E2F7: variants seen among roughly 807,000 people sequenced by gnomAD.
The protein encoded by E2F7 is transcription factor E2F7.
A neutral mutation model predicts 81.1 loss-of-function variants in E2F7; 35 were observed. That is an observed-to-expected ratio of 0.43 (90% CI 0.33 to 0.57). The LOEUF is 0.57. Ranked by LOEUF, E2F7 falls within the 20% of genes least tolerant of loss-of-function variation. E2F7 has a pLI of 0.04. For synonymous variants in E2F7, 416 were observed against 416.2 expected, an observed-to-expected ratio of 1.00 and a Z score of 0.01; for missense variants, 961 against 1,093.7, an observed-to-expected ratio of 0.88 and a Z score of 1.71.
At position 77,030,295 on chromosome 12, in the gene E2F7, A is replaced by G; in HGVS notation, c.1420T>C (p.Ser474Pro). Residue 474 changes from serine to proline, a missense_variant, in exon 10 of 13, where the codon TCA (serine) becomes CCA (proline). By Grantham distance (74) the Ser-to-Pro change is moderately conservative. Transcript: ENST00000322886. ...GGAGCAACAGGGTCCAAGCTGCTTGATGGAGGCACCACTCTCTTACTGGCA... is the reference window on the plus strand; with the variant it reads ...GGAGCAACAGGGTCCAAGCTGCTTGGTGGAGGCACCACTCTCTTACTGGCA... ...AFASKRVVPPSSSLDPVAPFP... is the reference protein window; with the variant it reads ...AFASKRVVPPPSSLDPVAPFP... The G allele has an allele frequency of 6.3e-7, 1 of 1,578,296 alleles. No homozygotes were observed. The highest frequency in any genetic ancestry group is 8.6e-7 in the Non-Finnish European group (1 of 1,160,424).
At chr12:77,050,111 C>G (rs965130431) in intron 4 of E2F7, among the ~76,000 whole-genome samples, 4 of 152,122 alleles carry the variant, frequency 2.6e-5, no homozygotes, top group African/African-American at 9.7e-5. Context: ...TAATTTGACC[C>G]ACTTGCTGTG....
chr12:77,061,601 C>T (rs1955079256), intron 2 of E2F7, among the ~76,000 whole-genome samples: 1 of 152,202 alleles, frequency 6.6e-6, no homozygotes, highest in South Asian at 2.1e-4. Flanking sequence ...AAGTTGGAAA[C>T]TCCTTTATGT....
chr12:77,033,028 T>A lies in E2F7; in HGVS notation c.1382+22A>T, dbSNP rs1022528863. The stretch of plus-strand genomic sequence containing the variant: ...CTAGGAGATAGAAAAGAATACACTC[T>A]GAGCTTTTATAGACTACTTACTGTG... On this transcript the variant is annotated intron_variant, in intron 9 of 12. Coordinates refer to ENST00000322886, the MANE Select transcript of E2F7 (RefSeq NM_203394.3). 3.1e-6 allele frequency: 5 copies of A among 1,603,668 alleles called. No homozygotes were observed. In the Admixed American group the frequency reaches 8.6e-5, roughly 28 times the overall value.
At chr12:77,044,493 G>T in intron 6 of E2F7, 144 bp downstream of exon 6, 1 of 1,037,084 alleles carries the variant, frequency 9.6e-7, no homozygotes, top group South Asian at 1.7e-5. Context: ...ACCTCTCACA[G>T]CACCAAAAAC....
intron 9 of E2F7, 114 bp from the exon 10 acceptor site, chr12:77,030,446 T>G (rs1010916840): frequency 8.3e-6 from 11 of 1,330,690 alleles, no homozygotes; most frequent in Non-Finnish European, 1.1e-5. Flanking sequence ...CTCAGGCAGA[T>G]ACGAAAGCGC....
At chr12:77,034,479 G>T (rs978557422) in intron 7 of E2F7, among the ~76,000 whole-genome samples, 1 of 152,158 alleles carries the variant, frequency 6.6e-6, no homozygotes, top group African/African-American at 2.4e-5. Flanking sequence ...CTACAGCAAT[G>T]AATAGGAGAA....
At chr12:77,031,846 T>G (rs1158797872) in intron 9 of E2F7, among the ~76,000 whole-genome samples, 2 of 152,110 alleles carry the variant, frequency 1.3e-5, no homozygotes. Flanking sequence ...ATCTCTCCAA[T>G]CAGCTGCCTC....
At position 77,025,896 on chromosome 12, in the gene E2F7, CACTGAAAGACGGCAGCTG is replaced by C; in HGVS notation, c.2209_2226del (p.Gln737_Ser742del). Reference sequence around the variant, plus strand: ...GGAGATGGTAAGACCATGCAAGGGACACTGAAAGACGGCAGCTGACCTGAGGACGGGCCCACAGTAGGG... The same window carrying C: ...GGAGATGGTAAGACCATGCAAGGGACACCTGAGGACGGGCCCACAGTAGGG... On this transcript the variant is annotated inframe_deletion, in exon 12 of 13. Transcript: ENST00000322886. The C allele has an allele frequency of 6.2e-7, 1 of 1,614,064 alleles. No homozygotes were observed. The highest frequency in any genetic ancestry group is 1.3e-5 in the African/African-American group (1 of 75,010).
chr12:77,063,853 A>T (rs1455258015), intron 2 of E2F7, among the ~76,000 whole-genome samples: 1 of 152,168 alleles, frequency 6.6e-6, no homozygotes, highest in Admixed American at 6.5e-5. Flanking sequence ...TTTATATTCA[A>T]AGTTTCTAAA....
At chr12:77,062,420 A>G (rs1332555434) in intron 2 of E2F7, among the ~76,000 whole-genome samples, 2 of 152,230 alleles carry the variant, frequency 1.3e-5, no homozygotes, top group East Asian at 3.8e-4. Flanking sequence ...CCTAGAAAGC[A>G]TCCTTCCTTT....
intron 2 of E2F7, among the ~76,000 whole-genome samples, chr12:77,060,515 C>G (rs1053497992): frequency 6.6e-6 from 1 of 152,158 alleles, no homozygotes; most frequent in Non-Finnish European, 1.5e-5. Flanking sequence ...TATACACAGT[C>G]AAGTGTATAT....
rs35865722 is a variant in E2F7 at position 77,056,888 on chromosome 12, C to CT, written c.94-759dup. 7.4e-3 allele frequency among the ~76,000 whole-genome samples: 1,082 copies of CT among 145,774 alleles called. 12 individuals are homozygous for CT. Among genetic ancestry groups the CT allele is most frequent in the South Asian group, 0.031 (141 of 4,620 alleles). ...TTGCTACTGAGGTTTATTTTTCTTA[C>CT]TTTTTTTTTTTTTTTAAAAGATAGG... On this transcript the variant is annotated intron_variant, in intron 2 of 12. Coordinates refer to ENST00000322886, the MANE Select transcript of E2F7 (RefSeq NM_203394.3).
intron 2 of E2F7, among the ~76,000 whole-genome samples, chr12:77,061,673 C>A (rs1955079648): frequency 6.6e-6 from 1 of 152,208 alleles, no homozygotes; most frequent in Non-Finnish European, 1.5e-5. Context: ...TACTTACAGA[C>A]CTTGACCAAC....
In E2F7 at chr12:77,030,049, T is replaced by A; in HGVS notation, c.1666A>T (p.Met556Leu). Residue 556 changes from methionine (M) to leucine (L), a missense_variant, in exon 10 of 13, where the codon ATG (methionine) becomes TTG (leucine). By Grantham distance (15) the Met-to-Leu change is conservative. This residue lies in a region of E2F7 where 587 missense variants were observed against 620.3 expected (regional missense o/e 0.95). Coordinates refer to ENST00000322886, the MANE Select transcript of E2F7 (RefSeq NM_203394.3). Reference protein sequence around the residue: ...LVYVPSASLFMLYGSLQEGPA... With the variant: ...LVYVPSASLFLLYGSLQEGPA... ...CCCTCCTGCAGACTTCCATACAGCATGAACAGTGAGGCAGAGGGCACATAC... is the reference window on the plus strand; with the variant it reads ...CCCTCCTGCAGACTTCCATACAGCAAGAACAGTGAGGCAGAGGGCACATAC... 6.2e-7 allele frequency: 1 copy of A among 1,614,112 alleles called. No individual in the cohort carries two copies. Among genetic ancestry groups the A allele is most frequent in the Non-Finnish European group, 8.5e-7 (1 of 1,180,016 alleles).
intron 2 of E2F7, among the ~76,000 whole-genome samples, chr12:77,059,603 G>C (rs1955062220): frequency 6.6e-6 from 1 of 152,114 alleles, no homozygotes; most frequent in Non-Finnish European, 1.5e-5. Flanking sequence ...CCCATAACTG[G>C]ACTGCTTTGG....
intron 5 of E2F7, among the ~76,000 whole-genome samples, chr12:77,045,342 C>T (rs1402455340): frequency 6.6e-6 from 1 of 152,172 alleles, no homozygotes; most frequent in African/African-American, 2.4e-5. Context: ...GGATGGCAGG[C>T]AAACCATCCC....
rs538650977 is a variant in E2F7, at chr12:77,022,373, T to TA, written c.*1641dup. 75 of 152,600 alleles carry TA rather than the reference T, an allele frequency of 4.9e-4. No individual in the cohort carries two copies. Among genetic ancestry groups the TA allele is most frequent in the African/African-American group, 1.8e-3 (73 of 41,554 alleles). The allele number at this position is 152,600 out of a possible 1,614,324, so 9.5% of individuals were successfully genotyped here. On this transcript the variant is annotated 3_prime_UTR_variant, in exon 13 of 13. Transcript: ENST00000322886. ...GTAAACTTTAAAAGTTTAGTGTTGA[T>TA]AAAAATTTTTATATAAGTAGCAAAT...
At position 77,025,737 on chromosome 12, in the gene E2F7, C is replaced by A; in HGVS notation, c.2386G>T (p.Val796Phe). ...PGLGSIAQLLVGPTAVVNPKS... is the reference protein window; with the variant it reads ...PGLGSIAQLLFGPTAVVNPKS... ...GGATTAACCACAGCTGTGGGGCCGA[C>A]GAGAAGCTGGGCTATTGATCCAAGG... Residue 796 changes from valine to phenylalanine, a missense_variant, in exon 12 of 13, where the codon GTC becomes TTC. Around this residue, in one of 3 missense-constraint regions of E2F7, gnomAD observed 587 missense variants for 620.3 expected, o/e 0.95. Coordinates refer to ENST00000322886, the MANE Select transcript of E2F7 (RefSeq NM_203394.3). The A allele has an allele frequency of 1.2e-6, 2 of 1,614,066 alleles. No homozygotes were observed. Among genetic ancestry groups the A allele is most frequent in the African/African-American group, 1.3e-5 (1 of 74,986 alleles).
intron 2 of E2F7, among the ~76,000 whole-genome samples, chr12:77,058,211 C>G (rs534181341): frequency 2.3e-4 from 35 of 152,266 alleles, no homozygotes; most frequent in Non-Finnish European, 3.1e-4. Context: ...GGTGAACTCT[C>G]AAGGGAAATT....
Sources: gnomAD v4.1 joint callset for allele counts (sites outside exome capture counted in the v4.1 genomes callset) on GRCh38, gnomAD v4.1.1 for gene constraint, gnomAD v4.1.1 regional missense constraint, MANE v1.5 for transcripts, NCBI Gene and HGNC (gene_info 2026-07-23, HGNC 2026-07-21) for gene names.